Variants in NCAM2 observed in about 807,000 individuals in gnomAD.
The protein encoded by NCAM2 is neural cell adhesion molecule 2.
NCAM2 carries 30 observed loss-of-function variants against 98.1 expected under a neutral mutation model. The ratio of observed to expected loss-of-function variants is 0.31; its 90% CI spans 0.23 to 0.41. The LOEUF (loss-of-function observed/expected upper bound fraction) is 0.41. Among genes scored for constraint, NCAM2 ranks in the 10% least tolerant of loss-of-function variants. NCAM2 has a pLI of 1.00. For missense variants in NCAM2, 867 were observed against 1,005.8 expected (o/e 0.86, Z 1.87); for synonymous variants, 368 against 342.4 (o/e 1.07, Z -0.83).
chr21:21,257,732 G>A (rs956931379), intron 1 of NCAM2, among the ~76,000 whole-genome samples: 5 of 152,046 alleles, frequency 3.3e-5, no homozygotes, highest in Non-Finnish European at 5.9e-5. Flanking sequence ...CCAGGGACCC[G>A]CCACTATGCC....
Position 21,175,519 on chromosome 21 carries a change from C to T in NCAM2, c.56-105059C>T, listed in dbSNP as rs187188404. On this transcript the variant is annotated intron_variant, in intron 1 of 17. Coordinates refer to ENST00000400546, the MANE Select transcript of NCAM2 (RefSeq NM_004540.5). ...CTGCACTCCAGCCTGGGCTACAGAG[C>T]GAGACTCCGTCTCAAAAAAAATAAA... 7.1e-4 allele frequency among the ~76,000 whole-genome samples: 107 copies of T among 151,514 alleles called. 1 individual carries two copies. The highest frequency in any genetic ancestry group is 1.6e-4 in the Non-Finnish European group (11 of 67,906).
intron 8 of NCAM2, among the ~76,000 whole-genome samples, chr21:21,364,335 TATAG>T (rs2075730240): frequency 6.6e-6 from 1 of 151,980 alleles, no homozygotes; most frequent in African/African-American, 2.4e-5. Flanking sequence ...AAGCTCACAA[TATAG>T]ATATATTTTA....
At chr21:21,471,085 TA>T (rs1175818492) in intron 14 of NCAM2, among the ~76,000 whole-genome samples, 2 of 151,992 alleles carry the variant, frequency 1.3e-5, no homozygotes, top group Non-Finnish European at 2.9e-5. Context: ...CATAACAGTC[TA>T]AATATGGATG....
chr21:21,513,927 C>A (rs1988550109), intron 16 of NCAM2, among the ~76,000 whole-genome samples: 1 of 151,950 alleles, frequency 6.6e-6, no homozygotes, highest in Non-Finnish European at 1.5e-5. Flanking sequence ...TAACCAACCC[C>A]TTTATCATTT....
intron 1 of NCAM2, among the ~76,000 whole-genome samples, chr21:21,257,451 T>C (rs1333336820): frequency 2.6e-5 from 4 of 152,182 alleles, no homozygotes; most frequent in African/African-American, 9.7e-5. Flanking sequence ...CACGTTGTTT[T>C]ATCATCTGAG....
chr21:21,210,720 A>T (rs1005694968), intron 1 of NCAM2: 7 of 1,072,622 alleles, frequency 6.5e-6, no homozygotes, highest in Non-Finnish European at 8.4e-6. Flanking sequence ...CAGGGCTGTA[A>T]TCTATAAGGA....
chr21:21,026,956 A>G (rs1251809672), intron 1 of NCAM2, among the ~76,000 whole-genome samples: 1 of 149,886 alleles, frequency 6.7e-6, no homozygotes, highest in Non-Finnish European at 1.5e-5. Flanking sequence ...TCCCAGGCTC[A>G]AGTGATTCTT....
chr21:21,153,757 T>G (rs1252651404), intron 1 of NCAM2, among the ~76,000 whole-genome samples: 3 of 151,886 alleles, frequency 2.0e-5, no homozygotes, highest in Non-Finnish European at 4.4e-5. Flanking sequence ...ATGATGGAGC[T>G]ATGATGGAAA....
intron 1 of NCAM2, among the ~76,000 whole-genome samples, chr21:21,219,375 A>G (rs927178800): frequency 3.3e-5 from 5 of 152,196 alleles, no homozygotes; most frequent in Non-Finnish European, 5.9e-5. Flanking sequence ...TTTCTACTCA[A>G]TTTAAAACAT....
intron 8 of NCAM2, among the ~76,000 whole-genome samples, chr21:21,345,870 A>C (rs2147913752): frequency 6.6e-6 from 1 of 152,222 alleles, no homozygotes; most frequent in Middle Eastern, 3.4e-3. Context: ...TAATACCTCA[A>C]GGCATTTAAT....
At chr21:21,034,055 G>GA (rs889177083) in intron 1 of NCAM2, among the ~76,000 whole-genome samples, 1 of 151,030 alleles carries the variant, frequency 6.6e-6, no homozygotes, top group East Asian at 2.0e-4. Context: ...TAGGCAAAGG[G>GA]GGGGGGGAAA....
chr21:21,246,684 T>G (rs1252901416), intron 1 of NCAM2, among the ~76,000 whole-genome samples: 2 of 152,208 alleles, frequency 1.3e-5, no homozygotes, highest in Non-Finnish European at 2.9e-5. Context: ...TCACATTGAT[T>G]GAAAATAAGC....
At chr21:21,416,326 C>G (rs1205540817) in intron 10 of NCAM2, among the ~76,000 whole-genome samples, 1 of 151,982 alleles carries the variant, frequency 6.6e-6, no homozygotes, top group Non-Finnish European at 1.5e-5. Flanking sequence ...ATAGTACCAT[C>G]AAAGATTACT....
rs1990250404 is a variant in NCAM2 at position 21,542,005 on chromosome 21, C to A, written c.*4048C>A. ...TACTTAGTCACTCACATTGAAATTG[C>A]ATATGGATGTATCAACATAGGCTAA... On this transcript the variant is annotated 3_prime_UTR_variant, in exon 18 of 18. Coordinates refer to ENST00000400546, the MANE Select transcript of NCAM2 (RefSeq NM_004540.5). The A allele has an allele frequency of 6.6e-6, 1 of 151,924 alleles. No homozygotes were observed. Among genetic ancestry groups the A allele is most frequent in the Middle Eastern group, 3.4e-3 (1 of 294 alleles). 9.4% of individuals were successfully genotyped at this position (151,924 alleles called of 1,614,324 possible). A position where few individuals can be genotyped will look rare whatever the true frequency, so the allele number is the denominator to read the frequency against.
chr21:21,167,322 A>C (rs7275832), intron 1 of NCAM2, among the ~76,000 whole-genome samples: 1 of 151,412 alleles, frequency 6.6e-6, no homozygotes, highest in African/African-American at 2.4e-5. Flanking sequence ...GGATAATCCA[A>C]TATATCTGTT....
intron 16 of NCAM2, among the ~76,000 whole-genome samples, chr21:21,520,073 A>G (rs9978030): frequency 0.01 from 1,544 of 152,212 alleles, 32 homozygotes; most frequent in African/African-American, 0.036. Flanking sequence ...TCTTATCAAA[A>G]TGACTAATAA....
intron 15 of NCAM2, among the ~76,000 whole-genome samples, chr21:21,505,046 T>A (rs185964633): frequency 6.6e-6 from 1 of 152,034 alleles, no homozygotes; most frequent in African/African-American, 2.4e-5. Context: ...ACAAACCTAT[T>A]TGAAGTTCAC....
chr21:21,422,776 T>C (rs1030761018), intron 11 of NCAM2, among the ~76,000 whole-genome samples: 6 of 152,094 alleles, frequency 3.9e-5, no homozygotes, highest in African/African-American at 1.4e-4. Context: ...GTTTTTAAAA[T>C]GTACCTCCTA....
At chr21:21,116,951 G>A (rs1454715195) in intron 1 of NCAM2, among the ~76,000 whole-genome samples, 1 of 151,956 alleles carries the variant, frequency 6.6e-6, no homozygotes, top group African/African-American at 2.4e-5. Context: ...ATTTTAAGGC[G>A]ATAATTTTTG....
Sources: gnomAD v4.1 joint callset for allele counts (sites outside exome capture counted in the v4.1 genomes callset) on GRCh38, gnomAD v4.1.1 for gene constraint, MANE v1.5 for transcripts, NCBI Gene and HGNC (gene_info 2026-07-23, HGNC 2026-07-21) for gene names.